The following DNAJC3 variants were observed in gnomAD, a reference collection of about 807,000 sequenced individuals.
The protein encoded by DNAJC3 is dnaJ homolog subfamily C member 3.
A neutral mutation model predicts 68.6 loss-of-function variants in DNAJC3; 38 were observed. The ratio of observed to expected loss-of-function variants is 0.55; its 90% confidence interval spans 0.43 to 0.73. The LOEUF (loss-of-function observed/expected upper bound fraction) is 0.73. DNAJC3 is among the 30% of genes least tolerant of loss of function. The pLI, the probability that DNAJC3 is intolerant of heterozygous loss-of-function variation, is 0.00. For synonymous variants in DNAJC3, 203 were observed against 204.0 expected (o/e 1.00, Z 0.04); for missense variants, 526 against 591.9 (o/e 0.89, Z 1.16).
At chr13:95,716,543 C>T (rs1261818573) in intron 2 of DNAJC3, among the ~76,000 whole-genome samples, 1 of 152,174 alleles carries the variant, frequency 6.6e-6, no homozygotes. Context: ...AGATCATATA[C>T]ATGGGCTGGA....
At chr13:95,790,001 T>A (rs1883718037) in intron 11 of DNAJC3, among the ~76,000 whole-genome samples, 1 of 152,142 alleles carries the variant, frequency 6.6e-6, no homozygotes, top group African/African-American at 2.4e-5. Flanking sequence ...TTAAGTTCTT[T>A]GTAGACCTTT....
intron 4 of DNAJC3, among the ~76,000 whole-genome samples, chr13:95,737,816 A>C (rs1881978866): frequency 7.5e-6 from 1 of 133,332 alleles, no homozygotes; most frequent in Non-Finnish European, 1.6e-5. Context: ...TTGTGTCTCT[A>C]TTTCCTTCAG....
At chr13:95,707,815 G>A (rs539035807) in intron 1 of DNAJC3, among the ~76,000 whole-genome samples, 10 of 152,184 alleles carry the variant, frequency 6.6e-5, no homozygotes, top group Non-Finnish European at 1.0e-4. Context: ...CTACCAGGCT[G>A]GGGTTTAGAG....
At chr13:95,736,039 C>T (rs868017401) in intron 4 of DNAJC3, among the ~76,000 whole-genome samples, 3,031 of 151,964 alleles carry the variant, frequency 0.02, 103 homozygotes, top group African/African-American at 0.067. Flanking sequence ...TTTCTACATA[C>T]GGCTAGCCAG....
chr13:95,772,489 T>C (rs1031595843), intron 9 of DNAJC3, among the ~76,000 whole-genome samples: 3 of 152,242 alleles, frequency 2.0e-5, no homozygotes, highest in Non-Finnish European at 4.4e-5. Flanking sequence ...ACAGCTACAA[T>C]AAAGTATGAG....
At chr13:95,688,936 G>T (rs1450029566) in intron 1 of DNAJC3, among the ~76,000 whole-genome samples, 9 of 147,650 alleles carry the variant, frequency 6.1e-5, no homozygotes, top group African/African-American at 1.8e-4. Flanking sequence ...GGGTGTGTGT[G>T]TGTGTGTGTG....
chr13:95,737,555 T>C (rs964280574), intron 4 of DNAJC3, among the ~76,000 whole-genome samples: 16 of 152,094 alleles, frequency 1.1e-4, no homozygotes, highest in Non-Finnish European at 1.3e-4. Flanking sequence ...CTTGAGAGAG[T>C]GTATGTGTCC....
At chr13:95,758,064 T>C (rs1241770800) in intron 5 of DNAJC3, among the ~76,000 whole-genome samples, 2 of 152,196 alleles carry the variant, frequency 1.3e-5, no homozygotes, top group Non-Finnish European at 2.9e-5. Flanking sequence ...TTGTATTTTT[T>C]TGGGAAGAAA....
intron 4 of DNAJC3, among the ~76,000 whole-genome samples, chr13:95,742,183 C>T (rs532372045): frequency 2.0e-5 from 3 of 152,174 alleles, no homozygotes; most frequent in Non-Finnish European, 4.4e-5. Flanking sequence ...CAATCCTTCT[C>T]CTGGGGTGGT....
intron 3 of DNAJC3, among the ~76,000 whole-genome samples, chr13:95,724,515 A>T (rs1022690028): frequency 3.3e-5 from 5 of 152,226 alleles, no homozygotes; most frequent in African/African-American, 1.2e-4. Flanking sequence ...ATTTTTAAAA[A>T]TTGAGATATA....
intron 4 of DNAJC3, among the ~76,000 whole-genome samples, chr13:95,729,631 G>A (rs922692867): frequency 1.1e-4 from 17 of 152,080 alleles, no homozygotes; most frequent in South Asian, 2.1e-4. Context: ...TGCCAACAGC[G>A]TATAAGAGTT....
At chr13:95,711,395 G>A (rs1880957929) in intron 2 of DNAJC3, among the ~76,000 whole-genome samples, 1 of 152,028 alleles carries the variant, frequency 6.6e-6, no homozygotes, top group African/African-American at 2.4e-5. Context: ...TACTTGGGAA[G>A]CCAAGACTGG....
At chr13:95,716,966 T>C (rs1881171684) in intron 2 of DNAJC3, among the ~76,000 whole-genome samples, 1 of 152,118 alleles carries the variant, frequency 6.6e-6, no homozygotes, top group Non-Finnish European at 1.5e-5. Flanking sequence ...CCCACCCCTC[T>C]CTACCCAGCA....
At chr13:95,724,894 T>C (rs761735586) in intron 3 of DNAJC3, among the ~76,000 whole-genome samples, 2 of 152,216 alleles carry the variant, frequency 1.3e-5, no homozygotes, top group Non-Finnish European at 2.9e-5. Flanking sequence ...AATTGGGTTA[T>C]TTCCACTTTT....
intron 9 of DNAJC3, among the ~76,000 whole-genome samples, chr13:95,781,564 G>A (rs1466086164): frequency 2.0e-5 from 3 of 152,130 alleles, no homozygotes; most frequent in Non-Finnish European, 4.4e-5. Flanking sequence ...GTGGCAAGGA[G>A]GGTAGGCAAA....
Position 95,677,385 on chromosome 13 carries a change from C to T in DNAJC3, c.82+48C>T, listed in dbSNP as rs768819710. 1.4e-5 allele frequency: 21 copies of T among 1,531,278 alleles called. No homozygotes were observed. The South Asian group carries it at 2.1e-4, about 16-fold the overall frequency. 94.9% of individuals were successfully genotyped at this position (1,531,278 alleles called of 1,614,324 possible). A position where few individuals can be genotyped will look rare whatever the true frequency, so the allele number is the denominator to read the frequency against. On this transcript the variant is annotated intron_variant, in intron 1 of 11. Transcript: ENST00000602402. ...CAGGAAGTGGGCTCCCGGACCAGGC[C>T]CCCCGCGCTTTCCCGTCTGCGCCCG... is the stretch of plus-strand genomic sequence containing the variant.
At chr13:95,691,065 G>C (rs1267099064) in intron 1 of DNAJC3, among the ~76,000 whole-genome samples, 5 of 137,156 alleles carry the variant, frequency 3.6e-5, no homozygotes, top group South Asian at 4.7e-4. Flanking sequence ...CGGGCAGAGG[G>C]GCTCCTCACT....
At chr13:95,772,486 CA>C (rs1883184109) in intron 9 of DNAJC3, among the ~76,000 whole-genome samples, 1 of 152,184 alleles carries the variant, frequency 6.6e-6, no homozygotes, top group Non-Finnish European at 1.5e-5. Flanking sequence ...TATACAGCTA[CA>C]ATAAAGTATG....
intron 4 of DNAJC3, among the ~76,000 whole-genome samples, chr13:95,742,428 A>C (rs897239779): frequency 3.9e-5 from 6 of 152,168 alleles, no homozygotes; most frequent in African/African-American, 1.2e-4. Flanking sequence ...TCTTTGAAGC[A>C]ATGCCATCAT....
Sources: allele counts gnomAD v4.1 joint callset (sites outside exome capture counted in the v4.1 genomes callset), GRCh38; gene constraint gnomAD v4.1.1; transcripts MANE v1.5; gene names NCBI Gene and HGNC (gene_info 2026-07-23, HGNC 2026-07-21).